CWC22: variants seen among roughly 807,000 people sequenced by gnomAD.
CWC22 encodes CWC22 spliceosome associated protein.
CWC22 carries 53 observed loss-of-function variants against 117.2 expected under a neutral mutation model. The ratio of observed to expected loss-of-function variants is 0.45; its 90% CI spans 0.36 to 0.57. CWC22 has a LOEUF of 0.57. CWC22 is among the 20% of genes least tolerant of loss of function. The pLI is 0.00. For synonymous variants in CWC22, 360 were observed against 355.6 expected, an observed-to-expected ratio of 1.01 and a Z score of -0.14; for missense variants, 980 against 1,068.8, an observed-to-expected ratio of 0.92 and a Z score of 1.16.
chr2:179,967,674 CTG>C (rs1686926331), intron 11 of CWC22, among the ~76,000 whole-genome samples: 1 of 152,094 alleles, frequency 6.6e-6, no homozygotes, highest in African/African-American at 2.4e-5. Flanking sequence ...AATCTCAGCC[CTG>C]AATATAGGAC....
At chr2:179,958,903 T>TA in intron 14 of CWC22, 119 bp downstream of exon 14, 1 of 569,516 alleles carries the variant, frequency 1.8e-6, no homozygotes, top group Non-Finnish European at 3.2e-6. Context: ...AAACCTACAT[T>TA]AAAAAATAAA....
intron 14 of CWC22, 24 bp downstream of exon 14, chr2:179,958,998 C>A: frequency 6.9e-7 from 1 of 1,451,840 alleles, no homozygotes; most frequent in South Asian, 1.2e-5. Flanking sequence ...TATACATTTC[C>A]TAATAGAAAA....
chr2:180,002,059 C>T (rs1374048091), intron 1 of CWC22, among the ~76,000 whole-genome samples: 1 of 152,204 alleles, frequency 6.6e-6, no homozygotes, highest in Non-Finnish European at 1.5e-5. Flanking sequence ...CAACTTTTTA[C>T]TCCAGCCAAT....
chr2:179,984,712 T>A (rs1687374050), intron 4 of CWC22, among the ~76,000 whole-genome samples: 1 of 151,976 alleles, frequency 6.6e-6, no homozygotes, highest in Non-Finnish European at 1.5e-5. Flanking sequence ...ATGAAAACAA[T>A]GACAAAGGCA....
chr2:179,996,213 T>C (rs1687693421), intron 1 of CWC22, among the ~76,000 whole-genome samples: 1 of 152,136 alleles, frequency 6.6e-6, no homozygotes, highest in African/African-American at 2.4e-5. Context: ...GGCCCAATCT[T>C]AAGGAAAAAG....
intron 2 of CWC22, among the ~76,000 whole-genome samples, chr2:179,991,306 G>C (rs2105553017): frequency 6.6e-6 from 1 of 152,248 alleles, no homozygotes; most frequent in Non-Finnish European, 1.5e-5. Context: ...GGAAAAACAG[G>C]GGATTCTCAG....
At chr2:179,949,676 C>T (rs543241373) in intron 19 of CWC22, among the ~76,000 whole-genome samples, 2 of 151,916 alleles carry the variant, frequency 1.3e-5, no homozygotes, top group African/African-American at 4.8e-5. Flanking sequence ...TAGGTACATA[C>T]CCAGTAGAAA....
Position 179,967,820 on chromosome 2 carries a change from A to G in CWC22, c.1211-1838T>C, listed in dbSNP as rs193125272. The stretch of plus-strand genomic sequence containing the variant: ...GCTTGCTTTGCAAGATGAATTAGCT[A>G]TTTTTTTCATTTTTACTTGAAAAAA... On this transcript the variant is annotated intron_variant, in intron 11 of 19. Transcript: ENST00000410053. Among the ~76,000 whole-genome samples the G allele has an allele frequency of 5.8e-3, 881 of 152,166 alleles. 12 individuals are homozygous for G. Among genetic ancestry groups the G allele is most frequent in the African/African-American group, 0.02 (810 of 41,500 alleles).
intron 17 of CWC22, among the ~76,000 whole-genome samples, chr2:179,951,252 GTA>G (rs921929160): frequency 2.6e-5 from 4 of 151,486 alleles, no homozygotes; most frequent in African/African-American, 9.7e-5. Context: ...ATACACACAC[GTA>G]TATATAGTGA....
intron 3 of CWC22, 68 bp downstream of exon 3, chr2:179,988,509 A>C (rs1687476026): frequency 1.2e-6 from 1 of 815,400 alleles, no homozygotes; most frequent in South Asian, 1.8e-5. Context: ...GAAATCTAAG[A>C]GCTAAATTAT....
chr2:179,984,517 A>G (rs553546555), intron 4 of CWC22, among the ~76,000 whole-genome samples: 1 of 152,082 alleles, frequency 6.6e-6, no homozygotes, highest in East Asian at 1.9e-4. Flanking sequence ...CCAAACTCCA[A>G]ACTGCAGAGG....
At chr2:179,993,694 G>A (rs996940903) in intron 1 of CWC22, among the ~76,000 whole-genome samples, 63 of 151,838 alleles carry the variant, frequency 4.1e-4, no homozygotes, top group Non-Finnish European at 1.6e-4. Context: ...AGGACCAAGC[G>A]GAACAAAAGT....
In CWC22 at chr2:179,945,043, A is replaced by G. The variant is rs1194661634; in HGVS notation, c.*86T>C. On this transcript the variant is annotated 3_prime_UTR_variant, in exon 20 of 20. Transcript: ENST00000410053. ...CAAATACAAACCAATACTTTATACA[A>G]GAATTCTCTATAAAGTTCGTCAAAG... 1.1e-6 allele frequency: 1 copy of G among 879,930 alleles called. No homozygotes were observed. The highest frequency in any genetic ancestry group is 1.7e-6 in the Non-Finnish European group (1 of 593,082). 54.5% of individuals were successfully genotyped at this position (879,930 alleles called of 1,614,324 possible). A position where few individuals can be genotyped will look rare whatever the true frequency, so the allele number is the denominator to read the frequency against.
intron 7 of CWC22, among the ~76,000 whole-genome samples, 193 bp downstream of exon 7, chr2:179,973,441 T>C (rs1034742812): frequency 1.3e-5 from 2 of 152,218 alleles, no homozygotes; most frequent in East Asian, 1.9e-4. Flanking sequence ...TCTACAGTTA[T>C]AGCCATCATT....
intron 6 of CWC22, among the ~76,000 whole-genome samples, chr2:179,974,836 C>G (rs900782311): frequency 1.3e-5 from 2 of 152,170 alleles, no homozygotes; most frequent in Non-Finnish European, 2.9e-5. Context: ...ACTGGAAGCT[C>G]TGCCTCCTGG....
At chr2:179,954,503 T>C (rs1686533341) in intron 15 of CWC22, 146 bp from the exon 16 acceptor site, 1 of 562,666 alleles carries the variant, frequency 1.8e-6, no homozygotes, top group Non-Finnish European at 3.0e-6. Flanking sequence ...TTGTGCCATA[T>C]GATGCTCAAA....
chr2:179,967,738 G>C (rs1441528386), intron 11 of CWC22, among the ~76,000 whole-genome samples: 1 of 94,818 alleles, frequency 1.1e-5, no homozygotes, highest in African/African-American at 3.1e-5. Flanking sequence ...TAGCCCTTCT[G>C]TTAAAGACAT....
chr2:179,976,109 T>C (rs1687146487), intron 6 of CWC22, among the ~76,000 whole-genome samples: 1 of 152,120 alleles, frequency 6.6e-6, no homozygotes, highest in African/African-American at 2.4e-5. Flanking sequence ...ACATTGGCAG[T>C]CAACTGATTT....
chr2:179,970,364 A>G, intron 11 of CWC22, 137 bp downstream of exon 11: 2 of 954,546 alleles, frequency 2.1e-6, no homozygotes, highest in Non-Finnish European at 3.0e-6. Context: ...ATGCCCGAGG[A>G]AACAGCTAAG....
Sources: gnomAD v4.1 joint callset for allele counts (sites outside exome capture counted in the v4.1 genomes callset) on GRCh38, gnomAD v4.1.1 for gene constraint, MANE v1.5 for transcripts, NCBI Gene and HGNC (gene_info 2026-07-23, HGNC 2026-07-21) for gene names.